The following KMT2A variants were observed in gnomAD, a reference collection of about 807,000 sequenced individuals.
KMT2A encodes histone-lysine N-methyltransferase 2A.
A neutral mutation model predicts 345.3 loss-of-function variants in KMT2A; 16 were observed. The observed-to-expected ratio is 0.05, with a 90% CI of 0.03 to 0.07. The LOEUF is 0.07. KMT2A is among the 10% of genes least tolerant of loss of function. KMT2A has a pLI of 1.00. For synonymous variants in KMT2A, 1,599 were observed against 1,778.6 expected (o/e 0.90, Z 2.54); for missense variants, 3,272 against 4,841.6 (o/e 0.68, Z 9.62).
chr11:118,517,473 A>G (rs2135270488), intron 31 of KMT2A, among the ~76,000 whole-genome samples: 1 of 152,236 alleles, frequency 6.6e-6, no homozygotes, highest in South Asian at 2.1e-4. Flanking sequence ...TATCTTATAC[A>G]GTTGTGTTAC....
rs1949963276 is a variant in KMT2A at position 118,472,666 on chromosome 11, C to T, written c.1507C>T (p.Arg503Trp). ...SEEIQVLPEE[R>W]SDTPEVHPPL... is the part of the protein sequence containing the mutation. ...GGAGATTCAGGTACTTCCTGAGGAGCGGAGCGATACCCCTGAAGTTCATCC... is the reference window on the plus strand; with the variant it reads ...GGAGATTCAGGTACTTCCTGAGGAGTGGAGCGATACCCCTGAAGTTCATCC... The change falls in exon 3 of 36, where the codon CGG becomes TGG. Residue 503 changes from arginine to tryptophan, a missense_variant. This residue lies in a region of KMT2A where 180 missense variants were observed against 190.7 expected (regional missense o/e 0.94). Coordinates refer to ENST00000534358, the MANE Select transcript of KMT2A (RefSeq NM_001197104.2). 1 of 1,612,750 alleles carries T rather than the reference C, an allele frequency of 6.2e-7. No individual in the cohort carries two copies. Among genetic ancestry groups the T allele is most frequent in the Admixed American group, 1.7e-5 (1 of 59,760 alleles).
chr11:118,465,355 A>C (rs1355672826), intron 1 of KMT2A, among the ~76,000 whole-genome samples: 1 of 152,206 alleles, frequency 6.6e-6, no homozygotes, highest in African/African-American at 2.4e-5. Context: ...GGATGGGCTA[A>C]ATAGCTGGTA....
rs1022768527 is a variant in KMT2A, at chr11:118,502,316, A to G, written c.6506-82A>G. ...CAGTTACCTATAAATATATATATAT[A>G]TAGTCAAATCATTGAAACCAGTGAC... On this transcript the variant is annotated intron_variant, in intron 26 of 35. Coordinates refer to ENST00000534358, the MANE Select transcript of KMT2A (RefSeq NM_001197104.2). This position sits in a 1 kb window ranked among gnomAD's most constrained non-coding sequence, Gnocchi z 4.9. 2 of 792,034 alleles carry G rather than the reference A, an allele frequency of 2.5e-6. No individual in the cohort carries two copies. Among genetic ancestry groups the G allele is most frequent in the South Asian group, 4.5e-5 (2 of 44,542 alleles). The allele number at this position is 792,034 out of a possible 1,614,324, so 49.1% of individuals were successfully genotyped here. A position where few individuals can be genotyped will look rare whatever the true frequency, so the allele number is the denominator to read the frequency against.
rs1401361114 is a variant in KMT2A at position 118,497,954 on chromosome 11, T to C, written c.5683T>C (p.Tyr1895His). ...TTTATAGGATGCTGGTCGTTTACTA[T>C]ATATTGGCCAAAATGAGTGGACACA... ...DSANDAGRLL[Y>H]IGQNEWTHVN... is the part of the protein sequence containing the mutation. The change falls in exon 21 of 36, where the codon TAT becomes CAT. Residue 1895 changes from tyrosine (Y) to histidine (H), a missense_variant. Coordinates refer to ENST00000534358, the MANE Select transcript of KMT2A (RefSeq NM_001197104.2). This position sits in a 1 kb window ranked among gnomAD's most constrained non-coding sequence, Gnocchi z 4.8. 1 of 1,612,412 alleles carries C rather than the reference T, an allele frequency of 6.2e-7. No homozygotes were observed. The highest frequency in any genetic ancestry group is 8.5e-7 in the Non-Finnish European group (1 of 1,178,516).
rs1555042308 is a variant in KMT2A at position 118,491,118 on chromosome 11, T to G, written c.4697-78T>G. On this transcript the variant is annotated intron_variant, in intron 13 of 35. Transcript: ENST00000534358. This position sits in a 1 kb window ranked among gnomAD's most constrained non-coding sequence, Gnocchi z 4.2. ...AGAAGAATATAGATTTAGATTGGGT[T>G]GGTAAATGCAAGTCGAGGGCCGTAA... The G allele has an allele frequency of 1.4e-6, 2 of 1,443,964 alleles. No homozygotes were observed. Among genetic ancestry groups the G allele is most frequent in the African/African-American group, 2.8e-5 (2 of 70,710 alleles). 89.4% of individuals were successfully genotyped at this position (1,443,964 alleles called of 1,614,324 possible). A position where few individuals can be genotyped will look rare whatever the true frequency, so the allele number is the denominator to read the frequency against.
chr11:118,445,727 G>T (rs1048318942), intron 1 of KMT2A, among the ~76,000 whole-genome samples: 5 of 152,244 alleles, frequency 3.3e-5, no homozygotes, highest in Non-Finnish European at 7.3e-5. Flanking sequence ...TTTGGGTTGG[G>T]CGCAGTGGCT....
rs200008889 is a variant in KMT2A, at chr11:118,503,110, G to A, written c.7218G>A (p.Lys2406=). The change falls in exon 27 of 36, where the codon AAG becomes AAA. Residue 2406 remains lysine, a synonymous_variant. Coordinates refer to ENST00000534358, the MANE Select transcript of KMT2A (RefSeq NM_001197104.2). The surrounding 1 kb of genome is among the most constrained non-coding windows in gnomAD (Gnocchi z 5.3). ...AAGATACTGAAGTCAAAACCTTGAA[G>A]CTATCTGGAATGAGCAACAGATCAT... The part of the protein sequence containing the change: ...PDEDTEVKTL[K]LSGMSNRSSI... 20 of 1,613,346 alleles carry A rather than the reference G, an allele frequency of 1.2e-5. No homozygotes were observed. The Admixed American group carries it at 2.3e-4, about 19-fold the overall frequency.
chr11:118,441,753 G>C (rs1949318697), intron 1 of KMT2A, among the ~76,000 whole-genome samples: 1 of 152,184 alleles, frequency 6.6e-6, no homozygotes, highest in Non-Finnish European at 1.5e-5. Flanking sequence ...AAAACCAGAT[G>C]ACATGTCCCC....
Position 118,523,048 on chromosome 11 carries a change from G to A in KMT2A, c.*876G>A, listed in dbSNP as rs782224958. ...TGTAAGCACTCCAGGTGGGGAAGTG[G>A]ACAGGAGCCATTGGTCATAACCAGA... On this transcript the variant is annotated 3_prime_UTR_variant, in exon 36 of 36. Transcript: ENST00000534358. 4.5e-5 allele frequency: 10 copies of A among 220,122 alleles called. No individual in the cohort carries two copies. Among genetic ancestry groups the A allele is most frequent in the Non-Finnish European group, 8.2e-5 (9 of 109,708 alleles). 13.6% of individuals were successfully genotyped at this position (220,122 alleles called of 1,614,324 possible). A position where few individuals can be genotyped will look rare whatever the true frequency, so the allele number is the denominator to read the frequency against.
chr11:118,450,287 A>G (rs1235768298), intron 1 of KMT2A: 4 of 152,152 alleles, frequency 2.6e-5, no homozygotes, highest in African/African-American at 9.7e-5. Flanking sequence ...TATCTGAAGT[A>G]GTGCATTCAT....
chr11:118,502,923 G>C lies in KMT2A; in HGVS notation c.7031G>C (p.Arg2344Thr). 1.2e-6 allele frequency: 2 copies of C among 1,614,170 alleles called. No individual in the cohort carries two copies. The highest frequency in any genetic ancestry group is 1.7e-6 in the Non-Finnish European group (2 of 1,180,026). Residue 2344 changes from arginine (R) to threonine (T), a missense_variant, in exon 27 of 36, where the codon AGA becomes ACA. Physicochemically the swap from Arg to Thr is moderately conservative, Grantham distance 71. This residue lies in a region of KMT2A where 445 missense variants were observed against 500.9 expected (regional missense o/e 0.89). Transcript: ENST00000534358. The surrounding 1 kb of genome is among the most constrained non-coding windows in gnomAD (Gnocchi z 4.9). ...CCACAGGTTCATAACACAACATCTA[G>C]AGAACTGAATGTTAGTAAAATCGGC... The part of the protein sequence containing the change: ...LAPQVHNTTS[R>T]ELNVSKIGSF...
chr11:118,476,709 A>C lies in KMT2A; in HGVS notation c.3157-96A>C. ...AATTAGAGTTGTGTGTTTTGATTCT[A>C]AATCATACTGAAATTGATTAAGTAT... On this transcript the variant is annotated intron_variant, in intron 3 of 35. Transcript: ENST00000534358. The surrounding 1 kb of genome is among the most constrained non-coding windows in gnomAD (Gnocchi z 4.1). The C allele has an allele frequency of 1.0e-6, 1 of 978,096 alleles. No homozygotes were observed. The highest frequency in any genetic ancestry group is 1.5e-6 in the Non-Finnish European group (1 of 651,700). The allele number at this position is 978,096 out of a possible 1,614,324, so 60.6% of individuals were successfully genotyped here. A position where few individuals can be genotyped will look rare whatever the true frequency, so the allele number is the denominator to read the frequency against.
chr11:118,468,048 G>A (rs543872), intron 1 of KMT2A, among the ~76,000 whole-genome samples: 1 of 151,920 alleles, frequency 6.6e-6, no homozygotes, highest in Non-Finnish European at 1.5e-5. Context: ...GAGGTAAGCA[G>A]AAGCTTTTGC....
At chr11:118,499,494 T>C (rs964706675) in intron 23 of KMT2A, 74 bp downstream of exon 23, 11 of 989,744 alleles carry the variant, frequency 1.1e-5, no homozygotes, top group Middle Eastern at 2.1e-4. Context: ...AGTTATAAAA[T>C]GACCCTCAGC....
chr11:118,468,285 G>C (rs1320359473), intron 1 of KMT2A, among the ~76,000 whole-genome samples: 2 of 152,078 alleles, frequency 1.3e-5, no homozygotes, highest in Non-Finnish European at 2.9e-5. Flanking sequence ...CTGAGTTAAG[G>C]AACTGACAAT....
chr11:118,489,523 T>C (rs1950291264), intron 11 of KMT2A, among the ~76,000 whole-genome samples: 1 of 152,194 alleles, frequency 6.6e-6, no homozygotes, highest in Non-Finnish European at 1.5e-5. Flanking sequence ...GTGTTTTAAT[T>C]TTGGGACTAT....
intron 31 of KMT2A, among the ~76,000 whole-genome samples, chr11:118,517,297 G>A (rs1555051824): frequency 1.3e-5 from 2 of 150,558 alleles, no homozygotes; most frequent in South Asian, 2.1e-4. Flanking sequence ...TCGGGAGGCT[G>A]AGGCAGCAGA....
Position 118,473,972 on chromosome 11 carries a change from C to T in KMT2A, c.2813C>T (p.Ser938Leu). Residue 938 changes from serine to leucine, a missense_variant, in exon 3 of 36, where the codon TCA (serine) becomes TTA (leucine). Physicochemically the swap from Ser to Leu is moderately radical, Grantham distance 145. This residue lies in a region of KMT2A where 209 missense variants were observed against 237.4 expected (regional missense o/e 0.88). Coordinates refer to ENST00000534358, the MANE Select transcript of KMT2A (RefSeq NM_001197104.2). The surrounding 1 kb of genome is among the most constrained non-coding windows in gnomAD (Gnocchi z 5.2). ...GCAACAGGGCGGAAGAAGTCTTCAT[C>T]ACATGATTCTGGGACTGATATTACT... ...KKATGRKKSS[S>L]HDSGTDITSV... 1.2e-6 allele frequency: 2 copies of T among 1,613,838 alleles called. No homozygotes were observed. The highest frequency in any genetic ancestry group is 1.7e-6 in the Non-Finnish European group (2 of 1,179,882).
Position 118,474,223 on chromosome 11 carries a change from A to C in KMT2A, c.3064A>C (p.Arg1022=). The C allele has an allele frequency of 3.7e-6, 6 of 1,614,186 alleles. No homozygotes were observed. The highest frequency in any genetic ancestry group is 5.1e-6 in the Non-Finnish European group (6 of 1,180,038). ...QADKLPMTDK[R]VASLLKKAKA... is the part of the protein sequence containing the mutation. ...AGACAAGCTTCCAATGACTGACAAG[A>C]GGGTTGCCAGCCTCCTAAAAAAGGC... Residue 1022 remains arginine, a synonymous_variant, in exon 3 of 36, where the codon AGG becomes CGG. Coordinates refer to ENST00000534358, the MANE Select transcript of KMT2A (RefSeq NM_001197104.2).
Sources: allele counts gnomAD v4.1 joint callset (sites outside exome capture counted in the v4.1 genomes callset), GRCh38; gene constraint gnomAD v4.1.1; regional missense constraint gnomAD v4.1.1; non-coding constraint Gnocchi (gnomAD v3.1); transcripts MANE v1.5; gene names NCBI Gene and HGNC (gene_info 2026-07-23, HGNC 2026-07-21).